PBRM1: variants seen among roughly 807,000 people sequenced by gnomAD.
PBRM1 encodes polybromo 1.
A neutral mutation model predicts 194.5 loss-of-function variants in PBRM1; 27 were observed. The observed-to-expected ratio is 0.14, with a 90% CI of 0.10 to 0.19. The LOEUF (loss-of-function observed/expected upper bound fraction) is 0.19. Ranked by LOEUF, PBRM1 falls within the 10% of genes least tolerant of loss-of-function variation. The probability of loss-of-function intolerance (pLI) is 1.00; values close to 1 mark genes in which losing one functional copy is unlikely to be tolerated. For missense variants in PBRM1, 1,466 were observed against 2,077.2 expected (o/e 0.71, Z 5.72); for synonymous variants, 655 against 693.2 (o/e 0.94, Z 0.87).
chr3:52,564,793 A>T (rs558239284), intron 22 of PBRM1, among the ~76,000 whole-genome samples: 5 of 152,348 alleles, frequency 3.3e-5, no homozygotes, highest in African/African-American at 1.2e-4. Context: ...GGGTTCCAAG[A>T]CAATTCATTG....
intron 22 of PBRM1, among the ~76,000 whole-genome samples, chr3:52,570,829 TTG>T (rs528864277): frequency 2.6e-5 from 4 of 152,090 alleles, no homozygotes; most frequent in East Asian, 3.9e-4. Flanking sequence ...TTTCTTATAG[TTG>T]TGTGTGTGTG....
chr3:52,633,190 AT>A lies in PBRM1; in HGVS notation c.1301+1411del, dbSNP rs923849288. Among the ~76,000 whole-genome samples, 69 of 146,236 alleles carry A rather than the reference AT, an allele frequency of 4.7e-4. No individual in the cohort carries two copies. The Middle Eastern group carries it at 0.01, about 22-fold the overall frequency. Reference sequence around the variant, plus strand: ...CAACTACTATTCTATTTTGTCTCTGATTTTTTTTTTTAATGTTCTGGATCAG... The same window carrying A: ...CAACTACTATTCTATTTTGTCTCTGATTTTTTTTTTAATGTTCTGGATCAG... On this transcript the variant is annotated intron_variant, in intron 11 of 29. Coordinates refer to ENST00000296302, the Ensembl canonical transcript of PBRM1.
At chr3:52,682,879 G>A (rs1015842805), upstream of PBRM1, among the ~76,000 whole-genome samples, 1 of 152,222 alleles carries the variant, frequency 6.6e-6, no homozygotes, top group Non-Finnish European at 1.5e-5. Context: ...GGCCAACGTG[G>A]TGAAACCCTG....
At chr3:52,645,712 G>A (rs1051238731) in intron 7 of PBRM1, among the ~76,000 whole-genome samples, 8 of 152,138 alleles carry the variant, frequency 5.3e-5, no homozygotes, top group African/African-American at 1.9e-4. Flanking sequence ...ACTAACGGCA[G>A]GTGGTGTATA....
chr3:52,627,404 T>G, intron 12 of PBRM1, 34 bp from the exon 14 acceptor site: 2 of 1,259,470 alleles, frequency 1.6e-6, no homozygotes, highest in Non-Finnish European at 1.2e-6. Flanking sequence ...GTTGAGCTCA[T>G]GTGCCAAACA....
At position 52,620,243 on chromosome 3, in the gene PBRM1, T is replaced by C. The variant is rs138418433; in HGVS notation, c.1542-2705A>G. Among the ~76,000 whole-genome samples the C allele has an allele frequency of 3.9e-5, 6 of 152,242 alleles. No homozygotes were observed. In the East Asian group the frequency reaches 1.2e-3, roughly 29 times the overall value. On this transcript the variant is annotated intron_variant, in intron 13 of 29. Coordinates refer to ENST00000296302, the Ensembl canonical transcript of PBRM1. ...ACAGATGACTTTAACCTTCAGGAAG[T>C]CTCTAAAGAAAAATTTCAGAACCTG...
upstream of PBRM1, among the ~76,000 whole-genome samples, chr3:52,679,927 C>T (rs2097174750): frequency 6.6e-6 from 1 of 151,802 alleles, no homozygotes; most frequent in South Asian, 2.1e-4. Context: ...TGCTATACTT[C>T]CAATTTTGAT....
chr3:52,559,452 T>C (rs1304991794), intron 25 of PBRM1, among the ~76,000 whole-genome samples: 1 of 152,042 alleles, frequency 6.6e-6, no homozygotes, highest in Non-Finnish European at 1.5e-5. Context: ...CATTCATAAA[T>C]AGAAGATCCC....
chr3:52,640,637 T>C (rs896128640), intron 10 of PBRM1, among the ~76,000 whole-genome samples: 5 of 151,528 alleles, frequency 3.3e-5, no homozygotes, highest in Admixed American at 2.0e-4. Flanking sequence ...TAACCAGCCA[T>C]ATAACCTCTT....
intron 20 of PBRM1, among the ~76,000 whole-genome samples, chr3:52,583,942 GTTTTAA>G (rs1315470105): frequency 1.3e-5 from 2 of 152,016 alleles, no homozygotes; most frequent in East Asian, 1.9e-4. Flanking sequence ...ACTGTACTGG[GTTTTAA>G]TTTTGTTTTT....
At chr3:52,635,917 G>A (rs576073174) in intron 10 of PBRM1, among the ~76,000 whole-genome samples, 8 of 152,194 alleles carry the variant, frequency 5.3e-5, no homozygotes, top group African/African-American at 1.9e-4. Context: ...AGGCTGGAGT[G>A]CAGTGGCGTG....
At chr3:52,558,375 G>T in exon 26 of PBRM1, 1 of 1,549,052 alleles carries the variant, frequency 6.5e-7, no homozygotes, top group Non-Finnish European at 8.7e-7. Flanking sequence ...TGTGCTGCTC[G>T]CTCTCTCTCC....
chr3:52,669,069 G>A (rs2096897577), intron 2 of PBRM1, among the ~76,000 whole-genome samples: 1 of 152,108 alleles, frequency 6.6e-6, no homozygotes, highest in South Asian at 2.1e-4. Context: ...TCTTTCTTCA[G>A]TAAGTGACCA....
rs1407348327 is a variant in PBRM1 at position 52,670,616 on chromosome 3, G to A, written c.237-1971C>T. Among the ~76,000 whole-genome samples the A allele has an allele frequency of 2.0e-5, 3 of 152,348 alleles. No homozygotes were observed. In the East Asian group the frequency reaches 5.8e-4, roughly 29 times the overall value. ...AATAATGAGAAACACTAGCCCTGGT[G>A]TGCAGACAGCCTGCCGGCTACTCCC... is the stretch of plus-strand genomic sequence containing the variant. On this transcript the variant is annotated intron_variant, in intron 2 of 29. Transcript: ENST00000296302.
chr3:52,661,291 C>T (rs182455010), intron 4 of PBRM1, among the ~76,000 whole-genome samples: 9 of 152,324 alleles, frequency 5.9e-5, no homozygotes, highest in Admixed American at 5.9e-4. Flanking sequence ...TCCCAAAGTG[C>T]TGGGATTACA....
chr3:52,616,852 G>T (rs565680570), intron 14 of PBRM1, among the ~76,000 whole-genome samples: 88 of 152,324 alleles, frequency 5.8e-4, no homozygotes, highest in African/African-American at 2.0e-3. Flanking sequence ...TGATGATGAT[G>T]AAAGATTTTA....
At chr3:52,652,363 G>C (rs1187809540) in intron 5 of PBRM1, among the ~76,000 whole-genome samples, 1 of 146,424 alleles carries the variant, frequency 6.8e-6, no homozygotes, top group Non-Finnish European at 1.5e-5. Flanking sequence ...CAGCCTGGGG[G>C]ACAAGAAAGA....
chr3:52,607,634 T>C (rs982299151), intron 16 of PBRM1, among the ~76,000 whole-genome samples: 3 of 152,190 alleles, frequency 2.0e-5, no homozygotes, highest in Non-Finnish European at 4.4e-5. Flanking sequence ...ACTTAAGGAC[T>C]ACTTAAGCCA....
intron 15 of PBRM1, among the ~76,000 whole-genome samples, chr3:52,612,690 G>C (rs2094699814): frequency 6.6e-6 from 1 of 152,086 alleles, no homozygotes; most frequent in Non-Finnish European, 1.5e-5. Context: ...GATCACTTGA[G>C]GTCAGGAGAT....
Sources: gnomAD v4.1 joint callset for allele counts (sites outside exome capture counted in the v4.1 genomes callset) on GRCh38, gnomAD v4.1.1 for gene constraint, MANE v1.5 for transcripts, NCBI Gene and HGNC (gene_info 2026-07-23, HGNC 2026-07-21) for gene names.